CNTN5: variants seen among roughly 807,000 people sequenced by gnomAD.
CNTN5 encodes contactin 5, also known as contactin-5.
A neutral mutation model predicts 129.1 loss-of-function variants in CNTN5; 77 were observed. The observed-to-expected ratio is 0.60, with a 90% confidence interval of 0.50 to 0.72. The LOEUF (loss-of-function observed/expected upper bound fraction) is 0.72, where lower values mean the gene tolerates loss of function less well. CNTN5 is among the 30% of genes least tolerant of loss of function. CNTN5 has a pLI of 0.00. For missense variants in CNTN5, 1,478 were observed against 1,328.8 expected (o/e 1.11, Z -1.75); for synonymous variants, 509 against 465.6 (o/e 1.09, Z -1.20).
intron 1 of CNTN5, among the ~76,000 whole-genome samples, chr11:99,172,140 G>A (rs534269878): frequency 1.8e-4 from 27 of 152,246 alleles, no homozygotes; most frequent in East Asian, 7.7e-4. Context: ...TTGGATAACC[G>A]TTGCAGTTCT....
chr11:100,085,881 GA>G (rs927875168), intron 13 of CNTN5, among the ~76,000 whole-genome samples: 53 of 152,082 alleles, frequency 3.5e-4, no homozygotes, highest in African/African-American at 1.2e-3. Context: ...CTAGATAAAA[GA>G]TAAGCTTCCT....
intron 2 of CNTN5, among the ~76,000 whole-genome samples, chr11:99,489,353 T>C (rs1207491862): frequency 2.6e-5 from 4 of 152,232 alleles, no homozygotes; most frequent in African/African-American, 9.6e-5. Context: ...TATATAAGCA[T>C]GTAAACATGA....
intron 4 of CNTN5, among the ~76,000 whole-genome samples, chr11:99,829,140 G>C (rs1217769494): frequency 2.0e-5 from 3 of 152,132 alleles, no homozygotes; most frequent in Non-Finnish European, 4.4e-5. Context: ...ATTCCCTGGT[G>C]ATATACTTAA....
At chr11:100,333,422 A>C (rs1951952369) in intron 21 of CNTN5, among the ~76,000 whole-genome samples, 1 of 150,496 alleles carries the variant, frequency 6.6e-6, no homozygotes, top group Non-Finnish European at 1.5e-5. Context: ...AAAAAAAAAA[A>C]AAAAAAAAAA....
chr11:100,159,347 C>T (rs1182904538), intron 13 of CNTN5, among the ~76,000 whole-genome samples: 1 of 151,838 alleles, frequency 6.6e-6, no homozygotes, highest in East Asian at 1.9e-4. Flanking sequence ...CTGCACTCTT[C>T]TTGGATATAA....
rs116165466 is a variant in CNTN5, at chr11:99,799,315, T to G, written c.56-20229T>G. 5.5e-3 allele frequency among the ~76,000 whole-genome samples: 831 copies of G among 151,828 alleles called. 15 individuals are homozygous for G. The highest frequency in any genetic ancestry group is 0.019 in the African/African-American group (791 of 41,372). ...TAGGAGTGGTGAGAATGGCGCATCC[T>G]TATTTTATCTCAGTTCTCAAGGGGA... On this transcript the variant is annotated intron_variant, in intron 3 of 24. Transcript: ENST00000524871.
At chr11:99,268,011 G>A (rs1466556146) in intron 1 of CNTN5, among the ~76,000 whole-genome samples, 1 of 151,366 alleles carries the variant, frequency 6.6e-6, no homozygotes, top group Non-Finnish European at 1.5e-5. Context: ...AGAGCATGGT[G>A]TCCACATGAC....
intron 2 of CNTN5, among the ~76,000 whole-genome samples, chr11:99,550,561 G>A (rs948834320): frequency 1.3e-5 from 2 of 151,974 alleles, no homozygotes; most frequent in South Asian, 4.2e-4. Context: ...GGAGAATAAG[G>A]TCCACGGAAA....
At chr11:99,847,344 A>G (rs1007899695) in intron 6 of CNTN5, among the ~76,000 whole-genome samples, 10 of 152,356 alleles carry the variant, frequency 6.6e-5, no homozygotes, top group African/African-American at 2.2e-4. Context: ...TTACAATTCA[A>G]TGACCAGGCA....
intron 18 of CNTN5, among the ~76,000 whole-genome samples, chr11:100,297,091 G>A (rs968066818): frequency 6.6e-6 from 1 of 151,616 alleles, no homozygotes; most frequent in African/African-American, 2.4e-5. Flanking sequence ...AGTTTGCAGA[G>A]AGATTCATTC....
intron 2 of CNTN5, among the ~76,000 whole-genome samples, chr11:99,454,625 CAGCCATGCTGAACTGTG>C (rs926203790): frequency 1.3e-5 from 2 of 152,164 alleles, no homozygotes; most frequent in Non-Finnish European, 2.9e-5. Context: ...GAGGCCTCCC[CAGCCATGCTGAACTGTG>C]AGTCAATTAA....
chr11:99,260,647 A>G lies in CNTN5; in HGVS notation c.-209-64699A>G, dbSNP rs531547193. On this transcript the variant is annotated intron_variant, in intron 1 of 24. Transcript: ENST00000524871. ...AAATTAGCATCAAAATTCTTACTTC[A>G]TATTCACAATCCTCTTGTTTTTAGA... Among the ~76,000 whole-genome samples, 6 of 152,058 alleles carry G rather than the reference A, an allele frequency of 3.9e-5. No individual in the cohort carries two copies. The East Asian group carries it at 7.7e-4, about 20-fold the overall frequency.
intron 9 of CNTN5, among the ~76,000 whole-genome samples, chr11:100,056,618 A>G (rs1943235024): frequency 6.6e-6 from 1 of 151,778 alleles, no homozygotes; most frequent in African/African-American, 2.4e-5. Flanking sequence ...TCATCAAAAC[A>G]CAAAATAAAA....
rs534113754 is a variant in CNTN5 at position 99,836,695 on chromosome 11, C to G, written c.278-8157C>G. 1.3e-4 allele frequency among the ~76,000 whole-genome samples: 20 copies of G among 152,212 alleles called. No individual in the cohort carries two copies. In the East Asian group the frequency reaches 3.1e-3, roughly 24 times the overall value. On this transcript the variant is annotated intron_variant, in intron 4 of 24. Coordinates refer to ENST00000524871, the MANE Select transcript of CNTN5 (RefSeq NM_014361.4). ...GCTGGGTCAAATGGTATTTCTAGTT[C>G]TAGATCCTTGAGGAATCGCCACACT...
At position 100,262,484 on chromosome 11, in the gene CNTN5, T is replaced by C. The variant is rs555637388; in HGVS notation, c.2164+6566T>C. The stretch of plus-strand genomic sequence containing the variant: ...TAAATCACTGTACTATAAAGACACA[T>C]GAACATGTATGTTTACTGCAGCACT... On this transcript the variant is annotated intron_variant, in intron 17 of 24. Transcript: ENST00000524871. Among the ~76,000 whole-genome samples the C allele has an allele frequency of 3.3e-5, 5 of 152,282 alleles. No homozygotes were observed. In the East Asian group the frequency reaches 9.7e-4, roughly 29 times the overall value.
At chr11:99,933,937 C>G (rs774275572) in intron 7 of CNTN5, among the ~76,000 whole-genome samples, 4 of 152,046 alleles carry the variant, frequency 2.6e-5, no homozygotes, top group Admixed American at 6.6e-5. Context: ...ATTATAGGTG[C>G]TTACTTCATT....
intron 3 of CNTN5, among the ~76,000 whole-genome samples, chr11:99,620,893 A>G (rs7950881): frequency 0.086 from 12,965 of 151,502 alleles, 725 homozygotes; most frequent in Non-Finnish European, 0.11. Flanking sequence ...TAAAAACTTT[A>G]GAGAAATTTA....
intron 1 of CNTN5, among the ~76,000 whole-genome samples, chr11:99,204,431 C>A (rs1292240998): frequency 2.0e-5 from 3 of 152,156 alleles, no homozygotes; most frequent in Non-Finnish European, 4.4e-5. Context: ...TCCCCTCTAA[C>A]AGTTACAAGT....
At chr11:99,688,538 A>G (rs1197118331) in intron 3 of CNTN5, among the ~76,000 whole-genome samples, 2 of 151,808 alleles carry the variant, frequency 1.3e-5, no homozygotes, top group Non-Finnish European at 2.9e-5. Flanking sequence ...CGTGTAAACT[A>G]CTCTATGTGA....
Sources: allele counts gnomAD v4.1 joint callset (sites outside exome capture counted in the v4.1 genomes callset), GRCh38; gene constraint gnomAD v4.1.1; transcripts MANE v1.5; gene names NCBI Gene and HGNC (gene_info 2026-07-23, HGNC 2026-07-21).